Variants in FFAR1 observed in about 807,000 individuals in gnomAD.
The protein encoded by FFAR1 is G-protein coupled receptor 40.
For synonymous variants in FFAR1, 216 were observed against 201.5 expected (o/e 1.07, Z -0.61); for missense variants, 424 against 396.2 (o/e 1.07, Z -0.60).
upstream of FFAR1, among the ~76,000 whole-genome samples, chr19:35,350,237 A>T (rs190511476): frequency 5.3e-5 from 8 of 152,288 alleles, no homozygotes; most frequent in East Asian, 1.5e-3. Flanking sequence ...GTCGGAAGCC[A>T]CCACCATGGG....
At chr19:35,351,917 T>C (rs139373075) in exon 1 of FFAR1, 2 of 1,613,956 alleles carry the variant, frequency 1.2e-6, no homozygotes, top group African/African-American at 2.7e-5. Flanking sequence ...GGCCGTGCTA[T>C]TCCTGGGGGG....
rs762682589 is a variant in FFAR1, at chr19:35,352,052, T to G, written c.501T>G (p.Ser167=). 13 of 1,613,816 alleles carry G rather than the reference T, an allele frequency of 8.1e-6. No homozygotes were observed. The South Asian group carries it at 1.3e-4, about 16-fold the overall frequency. Residue 167 remains serine (S), a synonymous_variant, in exon 1 of 1, where the codon TCT becomes TCG. Coordinates refer to ENST00000246553, the Ensembl canonical transcript of FFAR1. ...GCATCAACACACCGGTCAACGGCTCTCCGGTCTGCCTGGAGGCCTGGGACC... is the reference window on the plus strand; with the variant it reads ...GCATCAACACACCGGTCAACGGCTCGCCGGTCTGCCTGGAGGCCTGGGACC...
chr19:35,348,353 C>G (rs2066929826), upstream of FFAR1, among the ~76,000 whole-genome samples: 1 of 152,232 alleles, frequency 6.6e-6, no homozygotes, highest in African/African-American at 2.4e-5. Context: ...AATCACAGCA[C>G]TCTGGGAGGC....
exon 1 of FFAR1, chr19:35,351,711 C>T: frequency 6.4e-7 from 1 of 1,565,500 alleles, no homozygotes; most frequent in Non-Finnish European, 8.6e-7. Flanking sequence ...CTCCGACCTG[C>T]TGCTGACAGT....
chr19:35,352,266 C>T (rs1047527532), exon 1 of FFAR1: 3 of 1,552,876 alleles, frequency 1.9e-6, no homozygotes, highest in Non-Finnish European at 1.7e-6. Flanking sequence ...CTGCGTAGGA[C>T]CCTACAACGC....
Position 35,352,180 on chromosome 19 carries a change from C to A in FFAR1, c.629C>A (p.Ala210Asp), listed in dbSNP as rs768427411. ...TACGTGGGCTGCCTCCGGGCACTGG[C>A]CCGCTCCGGCCTGACGCACAGGCGG... is the stretch of plus-strand genomic sequence containing the variant. The change falls in exon 1 of 1, where the codon GCC (alanine) becomes GAC (aspartate). Residue 210 changes from alanine (A) to aspartate (D), a missense_variant. Physicochemically the swap from Ala to Asp is moderately radical, Grantham distance 126 (BLOSUM62 -2). Coordinates refer to ENST00000246553, the Ensembl canonical transcript of FFAR1. The A allele has an allele frequency of 1.1e-5, 17 of 1,606,572 alleles. No homozygotes were observed. The Admixed American group carries it at 2.7e-4, about 25-fold the overall frequency.
exon 1 of FFAR1, chr19:35,351,939 A>T: frequency 6.2e-7 from 1 of 1,614,082 alleles, no homozygotes; most frequent in Non-Finnish European, 8.5e-7. Flanking sequence ...GTGCGCGGCC[A>T]TCTGGGCCCT....
At chr19:35,351,873 G>C in exon 1 of FFAR1, 1 of 1,613,908 alleles carries the variant, frequency 6.2e-7, no homozygotes, top group Non-Finnish European at 8.5e-7. Flanking sequence ...CTACCTGGGA[G>C]CAGCCTTCCC....
exon 1 of FFAR1, chr19:35,352,164 T>G (rs1229025425): frequency 2.5e-6 from 4 of 1,609,158 alleles, no homozygotes; most frequent in Non-Finnish European, 3.4e-6. Flanking sequence ...CTACGTGGGC[T>G]GCCTCCGGGC....
chr19:35,352,901 A>C (rs929339401), exon 1 of FFAR1: 1 of 209,490 alleles, frequency 4.8e-6, no homozygotes, highest in African/African-American at 2.3e-5. Flanking sequence ...GAGAGGAGGC[A>C]GGAGGCAGGA....
rs776496904 is a variant in FFAR1, at chr19:35,352,314, G to C, written c.763G>C (p.Gly255Arg). ...CAGCTTCCTGTACCCCAATCTAGGA[G>C]GCTCCTGGCGGAAGCTGGGGCTCAT... is the stretch of plus-strand genomic sequence containing the variant. The change falls in exon 1 of 1, where the codon GGC becomes CGC. Residue 255 changes from glycine to arginine, a missense_variant. Gly to Arg is a moderately radical substitution (Grantham distance 125, BLOSUM62 -2). Coordinates refer to ENST00000246553, the Ensembl canonical transcript of FFAR1. 1 of 1,552,214 alleles carries C rather than the reference G, an allele frequency of 6.4e-7. No homozygotes were observed. The highest frequency in any genetic ancestry group is 2.0e-5 in the Admixed American group (1 of 51,052).
At chr19:35,348,145 C>G (rs926876183), upstream of FFAR1, among the ~76,000 whole-genome samples, 2 of 152,226 alleles carry the variant, frequency 1.3e-5, no homozygotes, top group African/African-American at 4.8e-5. Context: ...TGCCACCTTC[C>G]TCTCCCACCT....
exon 1 of FFAR1, chr19:35,351,832 G>A (rs1163830899): frequency 1.2e-6 from 2 of 1,611,116 alleles, no homozygotes; most frequent in Non-Finnish European, 1.7e-6. Context: ...TATGCCGGCG[G>A]GGGCTTCCTG....
exon 1 of FFAR1, chr19:35,351,836 C>T (rs1197752049): frequency 6.2e-7 from 1 of 1,611,114 alleles, no homozygotes; most frequent in Non-Finnish European, 8.5e-7. Context: ...CCGGCGGGGG[C>T]TTCCTGGCCG....
At chr19:35,352,813 A>G (rs1415940495) in exon 1 of FFAR1, 3 of 333,638 alleles carry the variant, frequency 9.0e-6, no homozygotes, top group South Asian at 3.8e-5. Flanking sequence ...ACCCACAGGA[A>G]CTGCCACTCC....
rs143187042 is a variant in FFAR1, at chr19:35,352,084, C to G, written c.533C>G (p.Ser178Cys). 1.9e-6 allele frequency: 3 copies of G among 1,613,090 alleles called. No homozygotes were observed. In the South Asian group the frequency reaches 3.3e-5, roughly 18 times the overall value. The change falls in exon 1 of 1, where the codon TCT (serine) becomes TGT (cysteine). Residue 178 changes from serine to cysteine, a missense_variant. Physicochemically the swap from Ser to Cys is moderately radical, Grantham distance 112. Transcript: ENST00000246553. ...TGCCTGGAGGCCTGGGACCCGGCCTCTGCCGGCCCGGCCCGCTTCAGCCTC... is the reference window on the plus strand; with the variant it reads ...TGCCTGGAGGCCTGGGACCCGGCCTGTGCCGGCCCGGCCCGCTTCAGCCTC...
chr19:35,351,457 G>A, upstream of FFAR1: 1 of 1,122,072 alleles, frequency 8.9e-7, no homozygotes, highest in Non-Finnish European at 1.3e-6. Flanking sequence ...GAACCCGCGA[G>A]TGATCCCAGG....
At chr19:35,351,655 G>A (rs536139569) in exon 1 of FFAR1, 4 of 1,550,718 alleles carry the variant, frequency 2.6e-6, no homozygotes, top group Middle Eastern at 3.3e-4. Context: ...GCCCACGCCC[G>A]GCTCCGTCTC....
At chr19:35,352,291 G>A in exon 1 of FFAR1, 1 of 1,552,176 alleles carries the variant, frequency 6.4e-7, no homozygotes, top group Non-Finnish European at 8.7e-7. Flanking sequence ...AACGTGGCCA[G>A]CTTCCTGTAC....
Sources: allele counts gnomAD v4.1 joint callset (sites outside exome capture counted in the v4.1 genomes callset), GRCh38; gene constraint gnomAD v4.1.1; transcripts MANE v1.5; gene names NCBI Gene and HGNC (gene_info 2026-07-23, HGNC 2026-07-21).